FGGY: variants seen among roughly 807,000 people sequenced by gnomAD.
The protein encoded by FGGY is FGGY carbohydrate kinase domain-containing protein.
Under a neutral mutation model 71.3 loss-of-function variants are expected in FGGY, and 72 were observed. That is an observed-to-expected ratio of 1.01 (90% CI 0.84 to 1.23). The LOEUF is 1.23. Ranked by LOEUF, FGGY falls within the 50% of genes most tolerant of loss-of-function variation. The probability of loss-of-function intolerance (pLI) is 0.00; values close to 1 mark genes in which losing one functional copy is unlikely to be tolerated. For missense variants in FGGY, 668 were observed against 682.3 expected (o/e 0.98, Z 0.23); for synonymous variants, 251 against 250.3 (o/e 1.00, Z -0.02).
chr1:59,505,875 A>G (rs2094365874), intron 6 of FGGY, among the ~76,000 whole-genome samples: 1 of 152,096 alleles, frequency 6.6e-6, no homozygotes, highest in Admixed American at 6.6e-5. Context: ...GTAGGGGAAG[A>G]TTTGGTGTAA....
At chr1:59,569,894 A>C (rs1430491078) in intron 8 of FGGY, among the ~76,000 whole-genome samples, 3 of 152,202 alleles carry the variant, frequency 2.0e-5, no homozygotes, top group Non-Finnish European at 2.9e-5. Context: ...GTATCTGAGC[A>C]GACCCCTGAG....
chr1:59,345,756 G>A (rs143418480), intron 3 of FGGY, among the ~76,000 whole-genome samples: 4 of 151,510 alleles, frequency 2.6e-5, no homozygotes, highest in African/African-American at 9.7e-5. Context: ...TTTAATTAAA[G>A]TGACCAGAAA....
chr1:59,533,189 AC>A (rs2095205301), intron 7 of FGGY, among the ~76,000 whole-genome samples: 1 of 152,198 alleles, frequency 6.6e-6, no homozygotes, highest in African/African-American at 2.4e-5. Flanking sequence ...GCATTGCCTC[AC>A]TCGGGAAGTG....
chr1:59,372,024 C>G (rs913177507), intron 4 of FGGY, among the ~76,000 whole-genome samples: 4 of 152,138 alleles, frequency 2.6e-5, no homozygotes, highest in African/African-American at 7.2e-5. Context: ...CAAACACATT[C>G]AAAAGCTAGC....
At chr1:59,499,223 A>G (rs956642199) in intron 6 of FGGY, among the ~76,000 whole-genome samples, 16 of 151,220 alleles carry the variant, frequency 1.1e-4, no homozygotes, top group Non-Finnish European at 1.8e-4. Context: ...CCCCTTGTCC[A>G]TGGAAAATAC....
chr1:59,615,148 A>G (rs1401962254), intron 9 of FGGY, among the ~76,000 whole-genome samples: 1 of 152,198 alleles, frequency 6.6e-6, no homozygotes, highest in Non-Finnish European at 1.5e-5. Flanking sequence ...GGAAAAAACT[A>G]CTTTAAAGTT....
intron 14 of FGGY, among the ~76,000 whole-genome samples, chr1:59,684,307 A>G (rs1232426012): frequency 6.6e-6 from 1 of 152,194 alleles, no homozygotes; most frequent in South Asian, 2.1e-4. Context: ...TCTGTGTCTC[A>G]GAGGCCTCAC....
chr1:59,628,745 A>G (rs1051146931), intron 10 of FGGY, among the ~76,000 whole-genome samples: 3 of 152,196 alleles, frequency 2.0e-5, no homozygotes, highest in Non-Finnish European at 4.4e-5. Flanking sequence ...AGAGAAACCC[A>G]TGTAGCTAGC....
At chr1:59,641,931 C>A (rs2097033024) in intron 11 of FGGY, among the ~76,000 whole-genome samples, 1 of 152,144 alleles carries the variant, frequency 6.6e-6, no homozygotes, top group Non-Finnish European at 1.5e-5. Flanking sequence ...TACTTTACTG[C>A]TAATGGTTGG....
At chr1:59,468,798 G>A (rs970206219) in intron 6 of FGGY, among the ~76,000 whole-genome samples, 1 of 151,706 alleles carries the variant, frequency 6.6e-6, no homozygotes, top group Non-Finnish European at 1.5e-5. Context: ...CGTGAACATG[G>A]GAGGCGGAGC....
intron 9 of FGGY, among the ~76,000 whole-genome samples, chr1:59,613,039 A>C (rs1392626212): frequency 6.6e-6 from 1 of 152,184 alleles, no homozygotes; most frequent in South Asian, 2.1e-4. Flanking sequence ...CTCCCACACA[A>C]TAATAATGGG....
intron 4 of FGGY, among the ~76,000 whole-genome samples, chr1:59,348,090 G>A (rs2052474698): frequency 6.6e-6 from 1 of 152,122 alleles, no homozygotes; most frequent in African/African-American, 2.4e-5. Flanking sequence ...AATCTACAAT[G>A]AACTCAAACA....
intron 14 of FGGY, among the ~76,000 whole-genome samples, chr1:59,703,546 C>T (rs181619060): frequency 6.6e-6 from 1 of 152,170 alleles, no homozygotes; most frequent in African/African-American, 2.4e-5. Flanking sequence ...TGCCATTGCA[C>T]AGTTTTGAAA....
chr1:59,498,771 C>T (rs2153602703), intron 6 of FGGY, among the ~76,000 whole-genome samples: 1 of 152,316 alleles, frequency 6.6e-6, no homozygotes, highest in African/African-American at 2.4e-5. Context: ...TAAGTTATGT[C>T]ATGTTTTGAA....
At chr1:59,390,974 G>A (rs866049289) in intron 5 of FGGY, among the ~76,000 whole-genome samples, 1 of 152,088 alleles carries the variant, frequency 6.6e-6, no homozygotes, top group Non-Finnish European at 1.5e-5. Flanking sequence ...TAATTGATAG[G>A]TACACATGTA....
At chr1:59,477,051 T>C (rs1046216335) in intron 6 of FGGY, among the ~76,000 whole-genome samples, 2 of 152,262 alleles carry the variant, frequency 1.3e-5, no homozygotes, top group East Asian at 3.8e-4. Flanking sequence ...GACTTGGGAC[T>C]TGCTTCTGGA....
chr1:59,562,103 T>C (rs1454612352), intron 8 of FGGY, among the ~76,000 whole-genome samples: 2 of 152,196 alleles, frequency 1.3e-5, no homozygotes, highest in Admixed American at 6.5e-5. Flanking sequence ...GTTACAAAGT[T>C]AACATATTCC....
intron 8 of FGGY, among the ~76,000 whole-genome samples, chr1:59,560,824 T>A (rs2095780233): frequency 6.6e-6 from 1 of 152,118 alleles, no homozygotes; most frequent in Non-Finnish European, 1.5e-5. Flanking sequence ...CTGTCCCAAG[T>A]CTTGGGTAGA....
intron 7 of FGGY, among the ~76,000 whole-genome samples, chr1:59,524,755 T>G (rs1462861688): frequency 6.6e-6 from 1 of 152,196 alleles, no homozygotes; most frequent in East Asian, 1.9e-4. Flanking sequence ...ACTTTGGGTC[T>G]TCTGAGAGCT....
Sources: gnomAD v4.1 joint callset for allele counts (sites outside exome capture counted in the v4.1 genomes callset) on GRCh38, gnomAD v4.1.1 for gene constraint, MANE v1.5 for transcripts, NCBI Gene and HGNC (gene_info 2026-07-23, HGNC 2026-07-21) for gene names.